Variants in TMEM74 observed in about 807,000 individuals in gnomAD.
TMEM74 encodes the protein transmembrane protein 74.
In TMEM74, 13 loss-of-function variants were observed where a neutral mutation model predicts 18.1. The observed-to-expected ratio is 0.72, with a 90% CI of 0.47 to 1.14. The LOEUF is 1.14. Ranked by LOEUF, TMEM74 falls within the 50% of genes most tolerant of loss-of-function variation. The pLI is 0.00. For synonymous variants in TMEM74, 159 were observed against 146.6 expected, an observed-to-expected ratio of 1.08 and a Z score of -0.61; for missense variants, 372 against 375.9, an observed-to-expected ratio of 0.99 and a Z score of 0.09.
At chr8:108,762,636 T>C (rs1042848311) in intron 1 of TMEM74, among the ~76,000 whole-genome samples, 1 of 152,104 alleles carries the variant, frequency 6.6e-6, no homozygotes, top group African/African-American at 2.4e-5. Context: ...TTCCCCATGA[T>C]ACATTCTCAT....
chr8:108,615,047 TGA>T (rs1812369898), intron 2 of TMEM74, among the ~76,000 whole-genome samples: 1 of 152,188 alleles, frequency 6.6e-6, no homozygotes, highest in East Asian at 1.9e-4. Context: ...CTCTCTTGAA[TGA>T]GAGGGGAAAT....
At chr8:108,635,261 G>T (rs1482473717) in intron 2 of TMEM74, among the ~76,000 whole-genome samples, 1 of 151,554 alleles carries the variant, frequency 6.6e-6, no homozygotes, top group African/African-American at 2.4e-5. Context: ...CAGTATGGCT[G>T]GTCTTAGCGC....
chr8:108,679,316 T>C (rs985078486), intron 1 of TMEM74, among the ~76,000 whole-genome samples: 1 of 152,206 alleles, frequency 6.6e-6, no homozygotes, highest in Non-Finnish European at 1.5e-5. Flanking sequence ...CCCTGAGGAA[T>C]CTCCACATTG....
At chr8:108,637,336 G>T (rs1402355186) in intron 2 of TMEM74, among the ~76,000 whole-genome samples, 2 of 151,964 alleles carry the variant, frequency 1.3e-5, no homozygotes, top group African/African-American at 4.8e-5. Flanking sequence ...ACCAGGTGTG[G>T]TAGGCAGAAT....
intron 1 of TMEM74, among the ~76,000 whole-genome samples, chr8:108,694,426 C>A (rs1813261131): frequency 6.6e-6 from 1 of 152,088 alleles, no homozygotes; most frequent in Admixed American, 6.5e-5. Flanking sequence ...AACCCAGATA[C>A]AAAAGGTCAC....
chr8:108,611,752 T>C (rs1812336282), intron 2 of TMEM74, among the ~76,000 whole-genome samples: 1 of 152,246 alleles, frequency 6.6e-6, no homozygotes, highest in Non-Finnish European at 1.5e-5. Flanking sequence ...TGATATGTCA[T>C]CTATCACCAG....
chr8:108,613,730 C>T (rs1812357144), intron 2 of TMEM74, among the ~76,000 whole-genome samples: 1 of 152,172 alleles, frequency 6.6e-6, no homozygotes, highest in South Asian at 2.1e-4. Flanking sequence ...AGTCCAAACC[C>T]ACAAACTCTG....
At chr8:108,697,868 T>A (rs1813296147) in intron 1 of TMEM74, among the ~76,000 whole-genome samples, 1 of 152,212 alleles carries the variant, frequency 6.6e-6, no homozygotes, top group East Asian at 1.9e-4. Context: ...TAGTCTCTTC[T>A]TATTTTGCAA....
In TMEM74 at chr8:108,671,559, C is replaced by T. The variant is rs924932557; in HGVS notation, n.120-16122G>A. On this transcript the variant is annotated intron_variant and non_coding_transcript_variant, in intron 1 of 3. Transcript: ENST00000518838. ...AGCTCTCTTAGCTGAGTTGGTTCTC[C>T]GAAAATGTTGAGTCCTGTTTTCCGT... is the stretch of plus-strand genomic sequence containing the variant. 5.3e-5 allele frequency among the ~76,000 whole-genome samples: 8 copies of T among 152,178 alleles called. No homozygotes were observed. In the South Asian group the frequency reaches 6.2e-4, roughly 12 times the overall value.
chr8:108,634,849 A>G (rs559443755), intron 2 of TMEM74, among the ~76,000 whole-genome samples: 80 of 152,076 alleles, frequency 5.3e-4, no homozygotes, highest in Non-Finnish European at 1.0e-3. Context: ...ATTGCACTTC[A>G]GAGTGAAGAA....
chr8:108,730,634 CT>C (rs1199122765), intron 1 of TMEM74, among the ~76,000 whole-genome samples: 216 of 132,160 alleles, frequency 1.6e-3, no homozygotes, highest in South Asian at 2.4e-3. Context: ...TGCAGACTTC[CT>C]TTTTTTTTTT....
intron 1 of TMEM74, among the ~76,000 whole-genome samples, chr8:108,759,873 G>A (rs1295766167): frequency 6.6e-6 from 1 of 152,110 alleles, no homozygotes; most frequent in Non-Finnish European, 1.5e-5. Flanking sequence ...GTAATAGGAA[G>A]AGTTTCACAC....
At chr8:108,669,239 G>T (rs926567622) in intron 1 of TMEM74, among the ~76,000 whole-genome samples, 19 of 152,038 alleles carry the variant, frequency 1.2e-4, no homozygotes, top group South Asian at 4.1e-4. Context: ...GACCCTCAAA[G>T]CATTATTTTC....
rs551202739 is a variant in TMEM74, at chr8:108,704,452, C to G, written n.120-49015G>C. Among the ~76,000 whole-genome samples, 15 of 152,272 alleles carry G rather than the reference C, an allele frequency of 9.9e-5. No individual in the cohort carries two copies. The South Asian group carries it at 3.1e-3, about 32-fold the overall frequency. On this transcript the variant is annotated intron_variant and non_coding_transcript_variant, in intron 1 of 3. Coordinates refer to the TMEM74 transcript ENST00000518838. ...GTCCATGCACTTGTGTGTCTTCTAA[C>G]TTTTTATCGATTTGTGATATCTTTT...
chr8:108,640,115 C>CTTTTTTT (rs35455409), intron 2 of TMEM74, among the ~76,000 whole-genome samples: 8 of 78,902 alleles, frequency 1.0e-4, no homozygotes, highest in Non-Finnish European at 1.6e-4. Context: ...ATAGTAATCA[C>CTTTTTTT]TTTTTTTTTT....
chr8:108,665,121 A>C (rs1812936169), intron 1 of TMEM74, among the ~76,000 whole-genome samples: 4 of 152,094 alleles, frequency 2.6e-5, no homozygotes, highest in Admixed American at 2.6e-4. Flanking sequence ...TGAATAGTGA[A>C]TTACAGTGGA....
At chr8:108,632,756 T>C (rs572514658) in intron 2 of TMEM74, among the ~76,000 whole-genome samples, 1 of 152,134 alleles carries the variant, frequency 6.6e-6, no homozygotes, top group African/African-American at 2.4e-5. Flanking sequence ...TGTCATTTTC[T>C]TACTATGTGG....
intron 1 of TMEM74, among the ~76,000 whole-genome samples, chr8:108,750,550 G>A (rs1183528441): frequency 6.6e-6 from 1 of 152,036 alleles, no homozygotes; most frequent in Non-Finnish European, 1.5e-5. Context: ...CACCAGGGAG[G>A]GGCCATTTCC....
chr8:108,621,051 A>C (rs1812435462), intron 2 of TMEM74, among the ~76,000 whole-genome samples: 1 of 152,144 alleles, frequency 6.6e-6, no homozygotes, highest in African/African-American at 2.4e-5. Flanking sequence ...GAGATTTGAG[A>C]TAGCAGGAAA....
Sources: allele counts gnomAD v4.1 joint callset (sites outside exome capture counted in the v4.1 genomes callset), GRCh38; gene constraint gnomAD v4.1.1; transcripts MANE v1.5; gene names NCBI Gene and HGNC (gene_info 2026-07-23, HGNC 2026-07-21).